Variants in NAV3 observed in about 807,000 individuals in gnomAD.
NAV3 encodes neuron navigator 3.
A neutral mutation model predicts 244.7 loss-of-function variants in NAV3; 87 were observed. The ratio of observed to expected loss-of-function variants is 0.36; its 90% CI spans 0.30 to 0.42. NAV3 has a LOEUF of 0.42. NAV3 is among the 20% of genes least tolerant of loss of function. The probability of loss-of-function intolerance (pLI) is 1.00; values close to 1 mark genes in which losing one functional copy is unlikely to be tolerated. For synonymous variants in NAV3, 1,126 were observed against 1,042.2 expected (o/e 1.08, Z -1.55); for missense variants, 2,663 against 2,893.3 (o/e 0.92, Z 1.83).
At chr12:77,686,045 G>T (rs1262061950) in intron 2 of NAV3, among the ~76,000 whole-genome samples, 9 of 152,146 alleles carry the variant, frequency 5.9e-5, no homozygotes, top group Non-Finnish European at 1.2e-4. Flanking sequence ...CTCTCTAGAT[G>T]TGGAATTCCT....
intron 5 of NAV3, among the ~76,000 whole-genome samples, chr12:77,977,616 T>G (rs555361720): frequency 1.3e-5 from 2 of 152,104 alleles, no homozygotes; most frequent in East Asian, 3.9e-4. Flanking sequence ...TAGCTGATTC[T>G]TCCATGCTTT....
chr12:78,066,390 T>G (rs193097054), intron 12 of NAV3, among the ~76,000 whole-genome samples: 2 of 152,240 alleles, frequency 1.3e-5, no homozygotes, highest in East Asian at 3.9e-4. Context: ...CCTGGGTTAC[T>G]GAAGTAGAAT....
intron 2 of NAV3, among the ~76,000 whole-genome samples, chr12:77,600,411 T>G (rs1434930792): frequency 2.0e-5 from 3 of 151,934 alleles, no homozygotes; most frequent in Non-Finnish European, 4.4e-5. Context: ...TGACTGTAAC[T>G]TCTCTCCAAC....
chr12:77,863,456 AT>A (rs1459987268), intron 1 of NAV3, among the ~76,000 whole-genome samples: 2 of 151,880 alleles, frequency 1.3e-5, no homozygotes, highest in Admixed American at 1.3e-4. Context: ...TGAAGTCTTC[AT>A]AATTATTTCA....
At chr12:77,707,769 T>C (rs1565780745) in intron 2 of NAV3, among the ~76,000 whole-genome samples, 1 of 152,200 alleles carries the variant, frequency 6.6e-6, no homozygotes, top group East Asian at 1.9e-4. Context: ...TGGTGTGAGA[T>C]GGTATCTCAT....
At chr12:77,841,431 G>T (rs1875628257) in intron 1 of NAV3, among the ~76,000 whole-genome samples, 1 of 152,096 alleles carries the variant, frequency 6.6e-6, no homozygotes, top group Admixed American at 6.6e-5. Flanking sequence ...AATCAAAATG[G>T]CATTGCACTA....
intron 2 of NAV3, among the ~76,000 whole-genome samples, chr12:77,778,535 T>C (rs994530290): frequency 1.0e-4 from 15 of 145,308 alleles, no homozygotes; most frequent in African/African-American, 1.5e-4. Flanking sequence ...TGGCGTGAAC[T>C]CAGGAGACAG....
intron 12 of NAV3, among the ~76,000 whole-genome samples, chr12:78,075,800 TATTA>T (rs1352010408): frequency 6.6e-6 from 1 of 152,194 alleles, no homozygotes; most frequent in Non-Finnish European, 1.5e-5. Flanking sequence ...GCCATTGATC[TATTA>T]ATTATTTTCA....
intron 2 of NAV3, among the ~76,000 whole-genome samples, chr12:77,631,203 G>T (rs1194264600): frequency 6.6e-6 from 1 of 152,050 alleles, no homozygotes; most frequent in African/African-American, 2.4e-5. Flanking sequence ...AAATTTTAAT[G>T]AATTTCTAAA....
intron 5 of NAV3, among the ~76,000 whole-genome samples, chr12:77,969,108 TA>T (rs778351029): frequency 5.9e-5 from 9 of 151,848 alleles, no homozygotes; most frequent in Non-Finnish European, 8.8e-5. Flanking sequence ...CTGTTAAACA[TA>T]GGAGTTTGAA....
At chr12:77,867,687 TG>T (rs1162466247) in intron 1 of NAV3, among the ~76,000 whole-genome samples, 1 of 152,206 alleles carries the variant, frequency 6.6e-6, no homozygotes, top group Non-Finnish European at 1.5e-5. Context: ...CCCAAAGTGC[TG>T]GGATTACAGG....
chr12:77,914,038 G>A (rs1217988593), intron 1 of NAV3, among the ~76,000 whole-genome samples: 2 of 151,702 alleles, frequency 1.3e-5, no homozygotes, highest in African/African-American at 2.4e-5. Context: ...CCTCACCTCT[G>A]AGCCATGAGA....
intron 39 of NAV3, 126 bp from the exon 40 acceptor site, chr12:78,210,272 A>G: frequency 2.1e-6 from 3 of 1,437,240 alleles, no homozygotes; most frequent in South Asian, 2.8e-5. Context: ...AAAAATCTAA[A>G]ATTATTTTCC....
intron 2 of NAV3, among the ~76,000 whole-genome samples, chr12:77,787,308 A>T (rs1218159492): frequency 6.6e-6 from 1 of 152,226 alleles, no homozygotes; most frequent in East Asian, 1.9e-4. Flanking sequence ...AATAGTTTTT[A>T]AAAGCAGCCT....
intron 39 of NAV3, among the ~76,000 whole-genome samples, chr12:78,209,251 AT>A (rs548852242): frequency 2.1e-4 from 32 of 152,168 alleles, no homozygotes; most frequent in Non-Finnish European, 1.3e-4. Context: ...TTTCACAAGC[AT>A]TTATCAAGCA....
At chr12:77,803,861 C>T (rs1367184253) in intron 2 of NAV3, among the ~76,000 whole-genome samples, 3 of 152,198 alleles carry the variant, frequency 2.0e-5, no homozygotes, top group African/African-American at 4.8e-5. Context: ...TTTTGATTTG[C>T]ATTTCTTTAA....
chr12:77,776,451 G>A (rs182822518), intron 2 of NAV3, among the ~76,000 whole-genome samples: 1 of 152,126 alleles, frequency 6.6e-6, no homozygotes, highest in South Asian at 2.1e-4. Flanking sequence ...AAAGGCATAA[G>A]CAAACCTTTT....
At chr12:77,882,136 A>G (rs899927225) in intron 1 of NAV3, among the ~76,000 whole-genome samples, 5 of 152,214 alleles carry the variant, frequency 3.3e-5, no homozygotes, top group African/African-American at 1.2e-4. Flanking sequence ...TCACACGAAA[A>G]GAACAAAGCA....
intron 2 of NAV3, among the ~76,000 whole-genome samples, chr12:77,595,031 A>T (rs1335919242): frequency 1.3e-5 from 2 of 152,178 alleles, no homozygotes; most frequent in Non-Finnish European, 2.9e-5. Context: ...GAATTATCAT[A>T]TGATCTAGCA....
Sources: allele counts gnomAD v4.1 joint callset (sites outside exome capture counted in the v4.1 genomes callset), GRCh38; gene constraint gnomAD v4.1.1; transcripts MANE v1.5; gene names NCBI Gene and HGNC (gene_info 2026-07-23, HGNC 2026-07-21).